The following GABRA3 variants were observed in gnomAD, a reference collection of about 807,000 sequenced individuals.
The protein encoded by GABRA3 is gamma-aminobutyric acid type A receptor subunit alpha3, also known as gamma-aminobutyric acid receptor subunit alpha-3.
In GABRA3, 10 loss-of-function variants were observed where a neutral mutation model predicts 30.1. The observed-to-expected ratio is 0.33, with a 90% confidence interval of 0.20 to 0.56. GABRA3 has a LOEUF of 0.56. GABRA3 is among the 20% of genes least tolerant of loss of function. The pLI, the probability that GABRA3 is intolerant of heterozygous loss-of-function variation, is 0.89. For synonymous variants in GABRA3, 151 were observed against 146.8 expected, an observed-to-expected ratio of 1.03 and a Z score of -0.21; for missense variants, 233 against 392.0, an observed-to-expected ratio of 0.59 and a Z score of 3.42.
chrX:152,280,251 T>C (rs1056860387), intron 4 of GABRA3, among the ~76,000 whole-genome samples: 7 of 111,231 alleles, frequency 6.3e-5, no homozygotes, highest in Non-Finnish European at 9.4e-5. Flanking sequence ...TTCCTGGTCA[T>C]AGACTCCTAG....
At chrX:152,241,319 G>A (rs1166184205) in intron 5 of GABRA3, among the ~76,000 whole-genome samples, 2 of 87,716 alleles carry the variant, frequency 2.3e-5, no homozygotes, top group Non-Finnish European at 5.5e-5. Context: ...CAGGGGTCAG[G>A]GGTCAGGGGT....
intron 4 of GABRA3, among the ~76,000 whole-genome samples, chrX:152,256,364 C>G (rs932561732): frequency 2.7e-5 from 3 of 110,906 alleles, no homozygotes; most frequent in African/African-American, 9.8e-5. Context: ...GCTTAATGAC[C>G]CCATATGAAC....
intron 1 of GABRA3, among the ~76,000 whole-genome samples, chrX:152,406,870 A>T (rs981890845): frequency 3.6e-5 from 4 of 111,717 alleles, no homozygotes. Flanking sequence ...AGCAAGTCTC[A>T]AAAAATAAAA....
intron 1 of GABRA3, among the ~76,000 whole-genome samples, chrX:152,412,082 C>T (rs1044983591): frequency 9.0e-6 from 1 of 111,349 alleles, no homozygotes; most frequent in Non-Finnish European, 1.9e-5. Flanking sequence ...AAATGTTCAA[C>T]ATCATTTAGC....
At chrX:152,388,376 A>T (rs1218176110) in intron 1 of GABRA3, among the ~76,000 whole-genome samples, 1 of 111,746 alleles carries the variant, frequency 8.9e-6, no homozygotes, top group Non-Finnish European at 1.9e-5. Context: ...ACAAATAAAC[A>T]TTCTTAAGAG....
intron 3 of GABRA3, among the ~76,000 whole-genome samples, chrX:152,315,057 A>G (rs775115631): frequency 4.5e-5 from 5 of 111,528 alleles, no homozygotes; most frequent in Admixed American, 1.9e-4. Flanking sequence ...GACTCGCACC[A>G]TGAACTTCTG....
Position 152,327,050 on chromosome X carries a change from A to G in GABRA3, c.262+18531T>C, listed in dbSNP as rs745485206. On this transcript the variant is annotated intron_variant, in intron 3 of 9. Coordinates refer to ENST00000370314, the MANE Select transcript of GABRA3 (RefSeq NM_000808.4). ...GAAAAAAAAAAAAAGCAGGGGTTGCAATCCTAGTCTCTGATAAAACAGACT... is the reference window on the plus strand; with the variant it reads ...GAAAAAAAAAAAAAGCAGGGGTTGCGATCCTAGTCTCTGATAAAACAGACT... Among the ~76,000 whole-genome samples the G allele has an allele frequency of 4.5e-5, 5 of 110,210 alleles. No homozygotes were observed. In the Admixed American group the frequency reaches 4.8e-4, roughly 11 times the overall value.
intron 5 of GABRA3, among the ~76,000 whole-genome samples, chrX:152,236,401 A>G (rs1938214145): frequency 2.0e-5 from 2 of 99,556 alleles, no homozygotes; most frequent in Admixed American, 2.2e-4. Flanking sequence ...TCATTGTTGG[A>G]CGTTTGGGTT....
At chrX:152,371,306 A>AT (rs1928834355) in intron 1 of GABRA3, among the ~76,000 whole-genome samples, 1 of 111,346 alleles carries the variant, frequency 9.0e-6, no homozygotes, top group Admixed American at 9.6e-5. Context: ...TTTGCTTCTT[A>AT]TTTTACCAAG....
At chrX:152,385,464 C>T (rs1041545990) in intron 1 of GABRA3, among the ~76,000 whole-genome samples, 2 of 111,966 alleles carry the variant, frequency 1.8e-5, no homozygotes, top group African/African-American at 6.5e-5. Flanking sequence ...ACAACCTGTA[C>T]ACATCTCACA....
chrX:152,205,958 C>T (rs776021396), intron 7 of GABRA3, among the ~76,000 whole-genome samples: 1 of 112,585 alleles, frequency 8.9e-6, no homozygotes, highest in Non-Finnish European at 1.9e-5. Context: ...AACATTTGCT[C>T]CTCCATGTAT....
At chrX:152,439,668 G>T (rs965074684) in intron 1 of GABRA3, among the ~76,000 whole-genome samples, 1 of 111,520 alleles carries the variant, frequency 9.0e-6, no homozygotes, top group Admixed American at 9.5e-5. Flanking sequence ...ATTTATAACA[G>T]CATTGCGACA....
chrX:152,274,165 T>C (rs1029034570), intron 4 of GABRA3, among the ~76,000 whole-genome samples: 12 of 111,860 alleles, frequency 1.1e-4, no homozygotes, highest in Non-Finnish European at 2.3e-4. Context: ...TAACTTTGTA[T>C]GTTTCAATAA....
intron 9 of GABRA3, among the ~76,000 whole-genome samples, chrX:152,169,239 T>C (rs1024758804): frequency 2.7e-5 from 3 of 112,551 alleles, no homozygotes; most frequent in Non-Finnish European, 5.6e-5. Flanking sequence ...ATACATACCA[T>C]GGCATGTTGA....
chrX:152,387,375 T>C (rs1328023813), intron 1 of GABRA3, among the ~76,000 whole-genome samples: 1 of 111,672 alleles, frequency 9.0e-6, no homozygotes, highest in Non-Finnish European at 1.9e-5. Context: ...AAGTGTATTT[T>C]GTTATACATA....
chrX:152,444,857 C>T (rs1462357840), intron 1 of GABRA3, among the ~76,000 whole-genome samples: 1 of 90,618 alleles, frequency 1.1e-5, no homozygotes, highest in African/African-American at 4.0e-5. Context: ...GTCAGGAGAT[C>T]GAGACCATCC....
chrX:152,350,294 C>T (rs1382618033), intron 2 of GABRA3, among the ~76,000 whole-genome samples: 9 of 93,380 alleles, frequency 9.6e-5, no homozygotes, highest in African/African-American at 1.2e-4. Context: ...ATCTCTGGGA[C>T]GCATTCAAAG....
chrX:152,339,042 T>A (rs1425514289), intron 3 of GABRA3, among the ~76,000 whole-genome samples: 1 of 108,418 alleles, frequency 9.2e-6, no homozygotes, highest in African/African-American at 3.4e-5. Context: ...CATTTAAGGA[T>A]TTTTTTTTTC....
intron 3 of GABRA3, among the ~76,000 whole-genome samples, chrX:152,301,931 A>G (rs944345862): frequency 9.0e-6 from 1 of 111,484 alleles, no homozygotes; most frequent in African/African-American, 3.3e-5. Context: ...GGCTACTACA[A>G]TTTACTGGAA....
Sources: gnomAD v4.1 joint callset for allele counts (sites outside exome capture counted in the v4.1 genomes callset) on GRCh38, gnomAD v4.1.1 for gene constraint, MANE v1.5 for transcripts, NCBI Gene and HGNC (gene_info 2026-07-23, HGNC 2026-07-21) for gene names.